Variants in CAST observed in about 807,000 individuals in gnomAD.
The protein encoded by CAST is calpastatin.
CAST carries 76 observed loss-of-function variants against 119.6 expected under a neutral mutation model. The ratio of observed to expected loss-of-function variants is 0.64; its 90% confidence interval spans 0.53 to 0.77. The LOEUF is 0.77. Ranked by LOEUF, CAST falls within the 30% of genes least tolerant of loss-of-function variation. The pLI is 0.00. For missense variants in CAST, 953 were observed against 946.5 expected, an observed-to-expected ratio of 1.01 and a Z score of -0.09; for synonymous variants, 319 against 331.6, an observed-to-expected ratio of 0.96 and a Z score of 0.41.
At chr5:96,226,072 C>T in the CAST span, among the ~76,000 whole-genome samples, 2 of 152,162 alleles carry the variant, frequency 1.3e-5, no homozygotes, top group Non-Finnish European at 2.9e-5. Flanking sequence ...TTGCACTTCT[C>T]AGACAGGGAG....
At chr5:96,515,737 C>A in the CAST span, among the ~76,000 whole-genome samples, 1 of 152,130 alleles carries the variant, frequency 6.6e-6, no homozygotes, top group Non-Finnish European at 1.5e-5. Context: ...AAAGCCAGAG[C>A]ATTTCTTCCC....
At chr5:96,687,882 A>G (rs78918196) in intron 2 of CAST, among the ~76,000 whole-genome samples, 6,343 of 152,280 alleles carry the variant, frequency 0.042, 178 homozygotes, top group Middle Eastern at 0.092. Context: ...TAGACTCAGT[A>G]AAATCTGATA....
the CAST span, chr5:95,961,538 G>A: frequency 2.0e-6 from 3 of 1,526,360 alleles, no homozygotes; most frequent in African/African-American, 2.9e-5. Flanking sequence ...GGTGCGCTCT[G>A]CCTCTCTGAG....
chr5:96,081,514 A>G, the CAST span, among the ~76,000 whole-genome samples: 1 of 152,144 alleles, frequency 6.6e-6, no homozygotes, highest in African/African-American at 2.4e-5. Flanking sequence ...GAACAGAATG[A>G]TCCCATGTAC....
the CAST span, among the ~76,000 whole-genome samples, chr5:96,006,014 A>G: frequency 1.3e-5 from 2 of 152,188 alleles, no homozygotes; most frequent in Non-Finnish European, 2.9e-5. Flanking sequence ...TGAGTTATTC[A>G]GTATTACCAA....
chr5:96,121,454 C>A, the CAST span, among the ~76,000 whole-genome samples: 3 of 151,544 alleles, frequency 2.0e-5, no homozygotes, highest in South Asian at 2.1e-4. Flanking sequence ...CTAACTCCAC[C>A]CAGTATTTGA....
chr5:96,289,102 G>GAA, the CAST span, among the ~76,000 whole-genome samples: 284 of 147,166 alleles, frequency 1.9e-3, 1 homozygote, highest in Middle Eastern at 7.0e-3. Context: ...ATATGATTAA[G>GAA]AAAAAAAAAA....
chr5:96,045,181 T>C, the CAST span, among the ~76,000 whole-genome samples: 3 of 152,048 alleles, frequency 2.0e-5, no homozygotes, highest in Non-Finnish European at 2.9e-5. Context: ...GGTGAAACCC[T>C]GTCTCTACTA....
the CAST span, among the ~76,000 whole-genome samples, chr5:96,362,749 A>T: frequency 8.5e-5 from 13 of 152,100 alleles, no homozygotes; most frequent in African/African-American, 3.1e-4. Context: ...TTGTCAGATG[A>T]GTAGATTGCA....
chr5:96,072,794 C>A, the CAST span, among the ~76,000 whole-genome samples: 1 of 152,200 alleles, frequency 6.6e-6, no homozygotes, highest in African/African-American at 2.4e-5. Flanking sequence ...GGCTTTATCT[C>A]TCTCTTTGGT....
At chr5:96,523,012 C>T (rs909309698), upstream of CAST, among the ~76,000 whole-genome samples, 3 of 152,202 alleles carry the variant, frequency 2.0e-5, no homozygotes, top group African/African-American at 7.2e-5. Context: ...TTCTCCTGGC[C>T]CCTCCTCACC....
intron 1 of CAST, among the ~76,000 whole-genome samples, chr5:96,550,490 A>G (rs1210515735): frequency 6.6e-6 from 1 of 152,170 alleles, no homozygotes; most frequent in African/African-American, 2.4e-5. Flanking sequence ...AATTCTAAAA[A>G]CCAGAACGCC....
chr5:96,170,733 G>T, the CAST span, among the ~76,000 whole-genome samples: 2 of 152,122 alleles, frequency 1.3e-5, no homozygotes, highest in African/African-American at 4.8e-5. Flanking sequence ...GAGCCTAAAC[G>T]CTAACTGATT....
chr5:96,587,874 C>T (rs1746886351), intron 1 of CAST, among the ~76,000 whole-genome samples: 1 of 152,128 alleles, frequency 6.6e-6, no homozygotes, highest in Admixed American at 6.5e-5. Flanking sequence ...TTTCAGAGAG[C>T]TTCTATTTTT....
At chr5:96,424,015 T>A in the CAST span, among the ~76,000 whole-genome samples, 3 of 152,224 alleles carry the variant, frequency 2.0e-5, no homozygotes. Flanking sequence ...GGGGTAAGTG[T>A]CTGTGAGAGG....
intron 1 of CAST, among the ~76,000 whole-genome samples, chr5:96,610,432 C>T (rs1747337247): frequency 6.6e-6 from 1 of 152,176 alleles, no homozygotes; most frequent in Non-Finnish European, 1.5e-5. Context: ...ATGATTATCT[C>T]AATAGATACG....
the CAST span, among the ~76,000 whole-genome samples, chr5:96,052,598 G>T: frequency 1.3e-5 from 2 of 152,128 alleles, no homozygotes; most frequent in Non-Finnish European, 1.5e-5. Context: ...TCAGTCTTTT[G>T]TCTTCGCCAA....
the CAST span, chr5:96,411,123 T>G: frequency 1.3e-6 from 1 of 743,438 alleles, no homozygotes; most frequent in Non-Finnish European, 2.4e-6. Context: ...ATTCCAGATC[T>G]TTTGGCTTCG....
chr5:96,264,516 G>C, the CAST span, among the ~76,000 whole-genome samples: 2 of 152,164 alleles, frequency 1.3e-5, no homozygotes, highest in Non-Finnish European at 2.9e-5. Flanking sequence ...GACATTTTCT[G>C]TCCTGTGAGC....
Sources: gnomAD v4.1 joint callset for allele counts (sites outside exome capture counted in the v4.1 genomes callset) on GRCh38, gnomAD v4.1.1 for gene constraint, MANE v1.5 for transcripts, NCBI Gene and HGNC (gene_info 2026-07-23, HGNC 2026-07-21) for gene names.